The following MYL12A variants were observed in gnomAD, a reference collection of about 807,000 sequenced individuals.
The protein encoded by MYL12A is myosin regulatory light chain 12A.
MYL12A carries 11 observed loss-of-function variants against 13.3 expected under a neutral mutation model. The ratio of observed to expected loss-of-function variants is 0.83; its 90% CI spans 0.52 to 1.37. The LOEUF is 1.37. MYL12A is among the 40% of genes most tolerant of loss of function. MYL12A has a pLI of 0.00. For missense variants in MYL12A, 146 were observed against 212.3 expected (o/e 0.69, Z 1.94); for synonymous variants, 51 against 69.9 (o/e 0.73, Z 1.35).
At position 3,255,929 on chromosome 18, in the gene MYL12A, A is replaced by G. The variant is rs373124731; in HGVS notation, c.*11A>G. 6.2e-7 allele frequency: 1 copy of G among 1,612,806 alleles called. No individual in the cohort carries two copies. The highest frequency in any genetic ancestry group is 8.5e-7 in the Non-Finnish European group (1 of 1,179,384). On this transcript the variant is annotated 3_prime_UTR_variant, in exon 4 of 4. Coordinates refer to ENST00000217652, the MANE Select transcript of MYL12A (RefSeq NM_006471.4). ...GACAAAGATGACTGAAATAACTTCA[A>G]ATTCCAGCCAAACGTTCCTTGTTGC...
chr18:3,249,309 A>G (rs1414700132), intron 1 of MYL12A: 3 of 152,018 alleles, frequency 2.0e-5, no homozygotes, highest in Non-Finnish European at 4.4e-5. Flanking sequence ...TCTCCCACCT[A>G]TTAATCTAGT....
At chr18:3,252,405 T>C in intron 1 of MYL12A, 1 of 1,439,484 alleles carries the variant, frequency 6.9e-7, no homozygotes, top group Non-Finnish European at 9.2e-7. Context: ...GATTGAGTAT[T>C]GAAAATTGCC....
In MYL12A at chr18:3,253,391, C is replaced by T. The variant is rs768582787; in HGVS notation, c.144C>T (p.Ile48=). ...NMIDQNRDGF[I]DKEDLHDMLA... ...TTGATCAGAACAGAGATGGTTTCAT[C>T]GACAAGGAAGATTTGCATGATATGC... Residue 48 remains isoleucine, a synonymous_variant, in exon 2 of 4, where the codon ATC becomes ATT. Transcript: ENST00000217652. The T allele has an allele frequency of 3.2e-5, 51 of 1,613,498 alleles. No homozygotes were observed. In the Middle Eastern group the frequency reaches 6.6e-4, roughly 21 times the overall value.
intron 1 of MYL12A, among the ~76,000 whole-genome samples, chr18:3,250,385 G>A (rs957857267): frequency 6.6e-6 from 1 of 152,164 alleles, no homozygotes; most frequent in Non-Finnish European, 1.5e-5. Flanking sequence ...AGAGGACCCT[G>A]ACAATATCAG....
At chr18:3,249,912 AAAAT>A (rs1459393004) in intron 1 of MYL12A, 4 of 110,196 alleles carry the variant, frequency 3.6e-5, no homozygotes, top group South Asian at 3.0e-4. Flanking sequence ...TAAATAAATA[AAAAT>A]AAATAAGTAA....
chr18:3,254,656 T>G (rs896524019), intron 3 of MYL12A, among the ~76,000 whole-genome samples: 1 of 152,262 alleles, frequency 6.6e-6, no homozygotes, highest in African/African-American at 2.4e-5. Context: ...AGAAGTGAGA[T>G]GTACATGAAG....
intron 1 of MYL12A, chr18:3,252,255 C>CAATG (rs2081493463): frequency 7.6e-7 from 1 of 1,307,432 alleles, no homozygotes; most frequent in African/African-American, 1.5e-5. Context: ...GAATATAACT[C>CAATG]AATGCAGTGT....
At chr18:3,251,238 A>C (rs922129825) in intron 1 of MYL12A, among the ~76,000 whole-genome samples, 9 of 152,200 alleles carry the variant, frequency 5.9e-5, no homozygotes, top group Non-Finnish European at 1.0e-4. Context: ...AATATATCAG[A>C]ATTCAGAAAA....
rs2081531669 is a variant in MYL12A at position 3,255,836 on chromosome 18, C to T, written c.434C>T (p.Ala145Val). Residue 145 changes from alanine to valine, a missense_variant, in exon 4 of 4, where the codon GCA (alanine) becomes GTA (valine). Transcript: ENST00000217652. ...GAAGTGGATGAGCTGTACAGAGAAG[C>T]ACCTATTGATAAAAAGGGGAATTTC... The part of the protein sequence containing the change: ...DEEVDELYRE[A>V]PIDKKGNFNY... 1.2e-6 allele frequency: 2 copies of T among 1,614,108 alleles called. No individual in the cohort carries two copies.
chr18:3,250,102 T>G (rs995062442), intron 1 of MYL12A, among the ~76,000 whole-genome samples: 5 of 150,978 alleles, frequency 3.3e-5, no homozygotes, highest in African/African-American at 1.2e-4. Flanking sequence ...AGGGATAGCA[T>G]TAGGAGATAT....
chr18:3,251,209 C>T (rs963650215), intron 1 of MYL12A, among the ~76,000 whole-genome samples: 3 of 150,960 alleles, frequency 2.0e-5, no homozygotes, highest in East Asian at 1.9e-4. Flanking sequence ...CAAAAAAGTG[C>T]GTGATTAAAA....
chr18:3,253,794 T>A, intron 2 of MYL12A, 95 bp from the exon 3 acceptor site: 1 of 1,333,084 alleles, frequency 7.5e-7, no homozygotes, highest in Admixed American at 2.5e-5. Context: ...GTAAACTGTA[T>A]GAATGATAAT....
chr18:3,253,050 T>C (rs716351), intron 1 of MYL12A, among the ~76,000 whole-genome samples, 183 bp from the exon 2 acceptor site: 108,448 of 152,094 alleles, frequency 0.71, 40,470 homozygotes, highest in Non-Finnish European at 0.82. Context: ...CTGTTGTTAG[T>C]TATATAGCAG....
chr18:3,254,718 A>G lies in MYL12A; in HGVS notation c.343+668A>G, dbSNP rs530403612. ...TTAACTCTCAAAAAAACAAAATGTT[A>G]TCTATATAGGGGCCTGATCCTTTGG... On this transcript the variant is annotated intron_variant, in intron 3 of 3. Transcript: ENST00000217652. 2.6e-5 allele frequency among the ~76,000 whole-genome samples: 4 copies of G among 152,360 alleles called. No individual in the cohort carries two copies. The East Asian group carries it at 7.7e-4, about 29-fold the overall frequency.
At position 3,253,253 on chromosome 18, in the gene MYL12A, G is replaced by A. The variant is rs373546858; in HGVS notation, c.6G>A (p.Ser2=). 64 of 1,612,352 alleles carry A rather than the reference G, an allele frequency of 4.0e-5. No homozygotes were observed. Among genetic ancestry groups the A allele is most frequent in the Non-Finnish European group, 4.9e-5 (58 of 1,179,038 alleles). Residue 2 remains serine (S), a synonymous_variant, in exon 2 of 4, where the codon TCG becomes TCA. Transcript: ENST00000217652. ...ATTAGGACTTAACCACCACCATGTC[G>A]AGCAAAAGAACAAAGACCAAGACCA... M[S]SKRTKTKTKK...
intron 1 of MYL12A, among the ~76,000 whole-genome samples, chr18:3,252,039 C>T (rs889101211): frequency 3.9e-5 from 6 of 152,112 alleles, no homozygotes; most frequent in African/African-American, 7.2e-5. Flanking sequence ...ACTTTTTAAA[C>T]ACATCGGAAA....
At chr18:3,253,133 A>C in intron 1 of MYL12A, 100 bp from the exon 2 acceptor site, 1 of 1,300,192 alleles carries the variant, frequency 7.7e-7, no homozygotes, top group South Asian at 1.5e-5. Flanking sequence ...ACATATCAGG[A>C]AAGTTGGTTC....
At position 3,256,045 on chromosome 18, in the gene MYL12A, A is replaced by G. The variant is rs144100939; in HGVS notation, c.*127A>G. On this transcript the variant is annotated 3_prime_UTR_variant, in exon 4 of 4. Transcript: ENST00000217652. ...GTATTTATTCTCAGCCATTTTGGGC[A>G]TATGTATCTTTATAATCAGACTGGA... The G allele has an allele frequency of 4.5e-4, 560 of 1,237,068 alleles. 2 individuals carry two copies. The East Asian group carries it at 0.014, about 30-fold the overall frequency. The allele number at this position is 1,237,068 out of a possible 1,614,324, so 76.6% of individuals were successfully genotyped here.
intron 1 of MYL12A, among the ~76,000 whole-genome samples, chr18:3,251,448 A>AT (rs1171448507): frequency 2.0e-5 from 3 of 152,206 alleles, no homozygotes; most frequent in African/African-American, 7.2e-5. Flanking sequence ...AAAACAGACT[A>AT]TTTTTAAAGA....
Sources: gnomAD v4.1 joint callset for allele counts (sites outside exome capture counted in the v4.1 genomes callset) on GRCh38, gnomAD v4.1.1 for gene constraint, MANE v1.5 for transcripts, NCBI Gene and HGNC (gene_info 2026-07-23, HGNC 2026-07-21) for gene names.